Variants in BNIP1 observed in about 807,000 individuals in gnomAD.
The protein encoded by BNIP1 is BCL2 interacting protein 1, also known as vesicle transport protein SEC20.
BNIP1 carries 25 observed loss-of-function variants against 28.5 expected under a neutral mutation model. That is an observed-to-expected ratio of 0.88 (90% CI 0.64 to 1.23). The LOEUF (loss-of-function observed/expected upper bound fraction) is 1.23, where lower values mean the gene tolerates loss of function less well. Ranked by LOEUF, BNIP1 falls within the 50% of genes most tolerant of loss-of-function variation. BNIP1 has a pLI of 0.00. For synonymous variants in BNIP1, 118 were observed against 101.7 expected (o/e 1.16, Z -0.96); for missense variants, 276 against 277.0 (o/e 1.00, Z 0.02).
intron 3 of BNIP1, among the ~76,000 whole-genome samples, chr5:173,157,113 G>A (rs191747064): frequency 6.6e-6 from 1 of 152,238 alleles, no homozygotes; most frequent in East Asian, 1.9e-4. Flanking sequence ...GAGAAGTACT[G>A]CCCCTCATTC....
chr5:173,157,860 G>A (rs1760244741), intron 3 of BNIP1, among the ~76,000 whole-genome samples: 1 of 151,838 alleles, frequency 6.6e-6, no homozygotes, highest in Non-Finnish European at 1.5e-5. Context: ...TTGGTCTGTA[G>A]TATGGAAAGA....
At chr5:173,149,589 A>T (rs1363943401) in intron 2 of BNIP1, among the ~76,000 whole-genome samples, 1 of 152,138 alleles carries the variant, frequency 6.6e-6, no homozygotes, top group African/African-American at 2.4e-5. Flanking sequence ...GGGGTTTTGT[A>T]TTAGGCCTTT....
chr5:173,147,947 C>T (rs1485596074), intron 2 of BNIP1, among the ~76,000 whole-genome samples: 1 of 148,492 alleles, frequency 6.7e-6, no homozygotes, highest in Non-Finnish European at 1.5e-5. Context: ...CCTGTAATCT[C>T]AGCTACTTAG....
In BNIP1 at chr5:173,163,938, G is replaced by C. The variant is rs778723203; in HGVS notation, c.*17G>C. 1.9e-6 allele frequency: 3 copies of C among 1,576,000 alleles called. No individual in the cohort carries two copies. Among genetic ancestry groups the C allele is most frequent in the African/African-American group, 1.4e-5 (1 of 73,376 alleles). On this transcript the variant is annotated 3_prime_UTR_variant, in exon 6 of 6. Coordinates refer to ENST00000351486, the MANE Select transcript of BNIP1 (RefSeq NM_001205.3). ...TTTTTGTGAGATCCCAAAGGTGCCAGTTCTGGCCCTTTCAGCTCCTGTTTC... is the reference window on the plus strand; with the variant it reads ...TTTTTGTGAGATCCCAAAGGTGCCACTTCTGGCCCTTTCAGCTCCTGTTTC...
chr5:173,152,053 A>G (rs771229850), intron 2 of BNIP1, among the ~76,000 whole-genome samples: 3 of 152,218 alleles, frequency 2.0e-5, no homozygotes, highest in Non-Finnish European at 2.9e-5. Context: ...AATCTTGGGC[A>G]CTGACTGTGT....
intron 3 of BNIP1, among the ~76,000 whole-genome samples, chr5:173,155,685 T>A (rs1035790966): frequency 1.3e-5 from 2 of 151,946 alleles, no homozygotes; most frequent in African/African-American, 4.8e-5. Flanking sequence ...AGAGTGAGAC[T>A]CCACCTTAAA....
At chr5:173,155,210 G>A (rs5745141) in intron 3 of BNIP1, among the ~76,000 whole-genome samples, 208 of 152,308 alleles carry the variant, frequency 1.4e-3, no homozygotes, top group African/African-American at 4.8e-3. Flanking sequence ...TTGCAGGTGT[G>A]TGCTAATCCT....
At chr5:173,151,448 C>G (rs532166915) in intron 2 of BNIP1, 3 of 1,057,346 alleles carry the variant, frequency 2.8e-6, no homozygotes, top group Admixed American at 5.5e-5. Flanking sequence ...ACTTGAACTC[C>G]TGGACTCAAG....
chr5:173,162,832 G>A (rs1391032146), intron 5 of BNIP1, among the ~76,000 whole-genome samples: 1 of 152,102 alleles, frequency 6.6e-6, no homozygotes, highest in Non-Finnish European at 1.5e-5. Flanking sequence ...CTACCTGCCA[G>A]CCCTCTGGTC....
Position 173,144,575 on chromosome 5 carries a change from G to T in BNIP1, c.30G>T (p.Arg10=), listed in dbSNP as rs768368776. 6.2e-7 allele frequency: 1 copy of T among 1,614,180 alleles called. No homozygotes were observed. The highest frequency in any genetic ancestry group is 8.5e-7 in the Non-Finnish European group (1 of 1,180,004). Residue 10 remains arginine, a synonymous_variant, in exon 1 of 6, where the codon CGG becomes CGT. Transcript: ENST00000351486. MAAPQDVHV[R]ICNQEIVKFD... is the part of the protein sequence containing the mutation. ...CGGCTCCCCAAGACGTCCACGTCCGGATCTGTAACCAAGAGATTGTCAAAT... is the reference window on the plus strand; with the variant it reads ...CGGCTCCCCAAGACGTCCACGTCCGTATCTGTAACCAAGAGATTGTCAAAT...
intron 5 of BNIP1, chr5:173,160,719 G>GT (rs1226470147): frequency 4.6e-6 from 2 of 438,994 alleles, no homozygotes; most frequent in Non-Finnish European, 9.2e-6. Context: ...GGCCAGGCAA[G>GT]TTTGGGAATG....
chr5:173,160,016 AG>A lies in BNIP1; in HGVS notation c.457del (p.Val153SerfsTer11). The A allele has an allele frequency of 6.2e-7, 1 of 1,614,120 alleles. No individual in the cohort carries two copies. The highest frequency in any genetic ancestry group is 8.5e-7 in the Non-Finnish European group (1 of 1,179,996). On this transcript the variant is annotated frameshift_variant, in exon 5 of 6. Coordinates refer to ENST00000351486, the MANE Select transcript of BNIP1 (RefSeq NM_001205.3). LOFTEE classifies it high-confidence loss of function. Reference sequence around the variant, plus strand: ...GGGATCAGCAGGATGATGGCCCAGCAGGTCCAGCAGAGCGAGGAGGCCATGC... The same window carrying A: ...GGGATCAGCAGGATGATGGCCCAGCAGTCCAGCAGAGCGAGGAGGCCATGC... ...LMGISRMMAQQVQQSEEAMQS... is the reference protein window; with the variant it reads ...LMGISRMMAQXVQQSEEAMQS...
At chr5:173,152,163 C>G (rs550297263) in intron 2 of BNIP1, among the ~76,000 whole-genome samples, 1 of 152,318 alleles carries the variant, frequency 6.6e-6, no homozygotes, top group East Asian at 1.9e-4. Flanking sequence ...ATCACTGGTT[C>G]TCTTTGAAAG....
chr5:173,159,477 TAAA>T (rs10546608), intron 4 of BNIP1, among the ~76,000 whole-genome samples: 13,283 of 145,454 alleles, frequency 0.091, 746 homozygotes, highest in South Asian at 0.16. Flanking sequence ...AGTTGTTCAT[TAAA>T]AAAAAAAAAA....
At chr5:173,149,969 GC>G (rs941388097) in intron 2 of BNIP1, among the ~76,000 whole-genome samples, 4 of 152,172 alleles carry the variant, frequency 2.6e-5, no homozygotes, top group African/African-American at 9.7e-5. Context: ...AAAGACTTGA[GC>G]TTTTTTGGCC....
intron 3 of BNIP1, among the ~76,000 whole-genome samples, chr5:173,154,833 T>C (rs1422820293): frequency 6.6e-6 from 1 of 152,120 alleles, no homozygotes; most frequent in African/African-American, 2.4e-5. Context: ...ATTGCATCAG[T>C]TACACACTGG....
Position 173,164,007 on chromosome 5 carries a change from C to T in BNIP1, c.*86C>T. ...TGAGCTCTAGGCTGCTAAGCTGAGC[C>T]ACACACCCCTCCGTTTGCACCAGTT... On this transcript the variant is annotated 3_prime_UTR_variant, in exon 6 of 6. Coordinates refer to ENST00000351486, the MANE Select transcript of BNIP1 (RefSeq NM_001205.3). The surrounding 1 kb of genome is among the most constrained non-coding windows in gnomAD (Gnocchi z 4.0). 7.5e-7 allele frequency: 1 copy of T among 1,337,660 alleles called. No homozygotes were observed. The highest frequency in any genetic ancestry group is 1.7e-5 in the South Asian group (1 of 58,658). The allele number at this position is 1,337,660 out of a possible 1,614,324, so 82.9% of individuals were successfully genotyped here.
chr5:173,149,312 G>A (rs538097188), intron 2 of BNIP1, among the ~76,000 whole-genome samples: 1 of 152,174 alleles, frequency 6.6e-6, no homozygotes, highest in East Asian at 1.9e-4. Context: ...AGAGGAGCAA[G>A]TCACGTCTTA....
At chr5:173,160,081 TC>T in intron 5 of BNIP1, 30 bp downstream of exon 5, 1 of 1,599,020 alleles carries the variant, frequency 6.3e-7, no homozygotes, top group Non-Finnish European at 8.6e-7. Context: ...AGGAAGCTTC[TC>T]CCAGAGACGC....
Sources: allele counts gnomAD v4.1 joint callset (sites outside exome capture counted in the v4.1 genomes callset), GRCh38; gene constraint gnomAD v4.1.1; non-coding constraint Gnocchi (gnomAD v3.1); transcripts MANE v1.5; gene names NCBI Gene and HGNC (gene_info 2026-07-23, HGNC 2026-07-21).